The following CILK1 variants were observed in gnomAD, a reference collection of about 807,000 sequenced individuals.
CILK1 encodes the protein serine/threonine-protein kinase ICK.
CILK1 carries 47 observed loss-of-function variants against 79.2 expected under a neutral mutation model. That is an observed-to-expected ratio of 0.59 (90% confidence interval 0.47 to 0.76). The LOEUF is 0.76. Among genes scored for constraint, CILK1 ranks in the 30% least tolerant of loss-of-function variants. The pLI, the probability that CILK1 is intolerant of heterozygous loss-of-function variation, is 0.00. For synonymous variants in CILK1, 266 were observed against 275.9 expected, an observed-to-expected ratio of 0.96 and a Z score of 0.36; for missense variants, 660 against 769.5, an observed-to-expected ratio of 0.86 and a Z score of 1.68.
chr6:53,018,533 G>T (rs1356971628), intron 6 of CILK1, 32 bp from the exon 7 acceptor site: 6 of 1,599,282 alleles, frequency 3.8e-6, no homozygotes, highest in Non-Finnish European at 1.7e-6. Flanking sequence ...GCTAGCTATT[G>T]CTTCCACCAC....
chr6:53,037,390 G>C (rs59295802), intron 3 of CILK1, among the ~76,000 whole-genome samples: 107,582 of 151,918 alleles, frequency 0.71, 38,588 homozygotes, highest in East Asian at 0.87. Context: ...TGGCACAAAA[G>C]AAGGACCTCA....
At chr6:53,018,295 G>C in intron 7 of CILK1, 35 bp downstream of exon 7, 1 of 1,604,402 alleles carries the variant, frequency 6.2e-7, no homozygotes, top group Non-Finnish European at 8.5e-7. Flanking sequence ...GAAGCTGTTG[G>C]CTTTGGCCCA....
chr6:53,019,133 A>G, intron 6 of CILK1, 94 bp downstream of exon 6: 1 of 1,223,310 alleles, frequency 8.2e-7, no homozygotes, highest in East Asian at 2.4e-5. Context: ...CTCTTAGTGA[A>G]AAGTTAACAT....
intron 5 of CILK1, among the ~76,000 whole-genome samples, chr6:53,026,456 C>A (rs1235667025): frequency 6.6e-6 from 1 of 152,128 alleles, no homozygotes; most frequent in Admixed American, 6.6e-5. Context: ...GCCTATAAAG[C>A]TTTTTGAGCA....
chr6:53,018,314 T>C lies in CILK1; in HGVS notation c.663+16A>G. On this transcript the variant is annotated intron_variant, in intron 7 of 13. Transcript: ENST00000676107. ...CTGTTGGCTTTGGCCCACTGGCCTTTGTTTTGTATCATTACCTTTTTTGGT... is the reference window on the plus strand; with the variant it reads ...CTGTTGGCTTTGGCCCACTGGCCTTCGTTTTGTATCATTACCTTTTTTGGT... The C allele has an allele frequency of 1.2e-6, 2 of 1,613,754 alleles. No individual in the cohort carries two copies. The highest frequency in any genetic ancestry group is 4.5e-5 in the East Asian group (2 of 44,878).
chr6:53,007,299 G>GT, intron 12 of CILK1, among the ~76,000 whole-genome samples: 2 of 152,344 alleles, frequency 1.3e-5, no homozygotes, highest in South Asian at 4.1e-4. Flanking sequence ...GAATGCCTGC[G>GT]TGAGGAGTTG....
intron 1 of CILK1, among the ~76,000 whole-genome samples, chr6:53,055,331 G>C (rs1342432978): frequency 1.3e-5 from 2 of 152,188 alleles, no homozygotes; most frequent in Non-Finnish European, 2.9e-5. Context: ...AAAGGTACTA[G>C]AAATAGTATA....
chr6:53,031,098 T>A lies in CILK1; in HGVS notation c.325A>T (p.Ile109Leu). 1.9e-6 allele frequency: 3 copies of A among 1,610,960 alleles called. No individual in the cohort carries two copies. Among genetic ancestry groups the A allele is most frequent in the South Asian group, 1.1e-5 (1 of 91,010 alleles). Residue 109 changes from isoleucine (I) to leucine (L), a missense_variant, in exon 5 of 14, where the codon ATA (isoleucine) becomes TTA (leucine). Ile to Leu is a conservative substitution (Grantham distance 5, BLOSUM62 2). Transcript: ENST00000676107. ...TGAATAAATGCGAGTCCTTGTAATA[T>A]CTGATACATGATATTCCTTATAGCA... The part of the protein sequence containing the change: ...ESAIRNIMYQ[I>L]LQGLAFIHKH...
chr6:53,045,830 C>CAA lies in CILK1; in HGVS notation c.-172-4424_-172-4423dup, dbSNP rs200914621. On this transcript the variant is annotated intron_variant, in intron 1 of 13. Coordinates refer to ENST00000676107, the MANE Select transcript of CILK1 (RefSeq NM_014920.5). ...AAAAATTCCTGGAAGCTTGATTTGT[C>CAA]AAAAAAAAAAAAAAATCAGCCAACT... is the stretch of plus-strand genomic sequence containing the variant. Among the ~76,000 whole-genome samples the CAA allele has an allele frequency of 5.1e-3, 609 of 119,954 alleles. 3 individuals are homozygous for CAA. The highest frequency in any genetic ancestry group is 0.016 in the African/African-American group (508 of 31,420). 78.7% of individuals were successfully genotyped at this position (119,954 alleles called of 152,430 possible). A position where few individuals can be genotyped will look rare whatever the true frequency, so the allele number is the denominator to read the frequency against.
rs747516955 is a variant in CILK1, at chr6:53,009,517, G to A, written c.1543C>T (p.Pro515Ser). 6.2e-7 allele frequency: 1 copy of A among 1,611,054 alleles called. No homozygotes were observed. Among genetic ancestry groups the A allele is most frequent in the East Asian group, 2.2e-5 (1 of 44,860 alleles). ...CCAGAACTAGACCATGGATTAGGTG[G>A]AATAAATTCCTTGCCTGGATTCGAG... ...ILSNPGKEFIPPNPWSSSGLS... is the reference protein window; with the variant it reads ...ILSNPGKEFISPNPWSSSGLS... The change falls in exon 12 of 14, where the codon CCA (proline) becomes TCA (serine). Residue 515 changes from proline to serine, a missense_variant. By Grantham distance (74) the Pro-to-Ser change is moderately conservative (BLOSUM62 -1). Transcript: ENST00000676107.
At position 53,005,152 on chromosome 6, in the gene CILK1, T is replaced by C; in HGVS notation, c.1896A>G (p.Arg632=). The C allele has an allele frequency of 6.2e-7, 1 of 1,614,150 alleles. No homozygotes were observed. Among genetic ancestry groups the C allele is most frequent in the Non-Finnish European group, 8.5e-7 (1 of 1,180,038 alleles). Residue 632 remains arginine, a synonymous_variant, in exon 14 of 14, where the codon CGA becomes CGG. Transcript: ENST00000676107. Reference sequence around the variant, plus strand: ...GATTCATCACCAAGGCAGACAGTCATCGCCGAGATGCGTACTTGGAAGCCC... The same window carrying C: ...GATTCATCACCAAGGCAGACAGTCACCGCCGAGATGCGTACTTGGAAGCCC... ...TDWASKYASR[R]
chr6:53,019,520 G>A (rs905643556), intron 5 of CILK1, among the ~76,000 whole-genome samples, 161 bp from the exon 6 acceptor site: 2 of 152,164 alleles, frequency 1.3e-5, no homozygotes, highest in Admixed American at 1.3e-4. Context: ...AGAGTCCTTC[G>A]AACTTCTCAT....
In CILK1 at chr6:53,013,757, C is replaced by G. The variant is rs1764726950; in HGVS notation, c.1057G>C (p.Ala353Pro). ...GGGTGATCTGTCCTGGAGACCTCTG[C>G]TTTGTAGGGGTACGTGAGATGCAGA... ...PPLHLTYPYK[A>P]EVSRTDHPSH... The change falls in exon 9 of 14, where the codon GCA becomes CCA. Residue 353 changes from alanine to proline, a missense_variant. Ala to Pro is a conservative substitution (Grantham distance 27). Transcript: ENST00000676107. The G allele has an allele frequency of 6.2e-7, 1 of 1,614,074 alleles. No homozygotes were observed. Among genetic ancestry groups the G allele is most frequent in the Non-Finnish European group, 8.5e-7 (1 of 1,180,026 alleles).
intron 1 of CILK1, among the ~76,000 whole-genome samples, chr6:53,046,851 G>A (rs1171003636): frequency 1.3e-5 from 2 of 152,176 alleles, no homozygotes; most frequent in African/African-American, 4.8e-5. Flanking sequence ...ACCAACTCTT[G>A]GGAGGAGGAG....
chr6:53,056,611 G>T (rs139436132), intron 1 of CILK1, among the ~76,000 whole-genome samples: 1 of 152,316 alleles, frequency 6.6e-6, no homozygotes, highest in Non-Finnish European at 1.5e-5. Flanking sequence ...AGGTTACAGG[G>T]CTACATACAA....
chr6:53,016,658 A>T (rs573547698), intron 7 of CILK1, among the ~76,000 whole-genome samples: 1 of 152,376 alleles, frequency 6.6e-6, no homozygotes, highest in Admixed American at 6.5e-5. Context: ...TAAATTTGTG[A>T]AACTCTACCT....
At chr6:53,012,936 T>G (rs316145) in intron 9 of CILK1, among the ~76,000 whole-genome samples, 151,286 of 152,392 alleles carry the variant, frequency 0.99, 75,094 homozygotes, top group East Asian at 1. Flanking sequence ...AACACTCATT[T>G]TTTTCTTTTG....
chr6:53,003,238 T>C lies in CILK1; in HGVS notation c.*1911A>G, dbSNP rs996082992. ...TGTGCTTTTCTCATGCCCCTAGGGA[T>C]CATGGTGCTTGGTCAAGTATATATT... On this transcript the variant is annotated 3_prime_UTR_variant, in exon 14 of 14. Transcript: ENST00000676107. 3 of 152,578 alleles carry C rather than the reference T, an allele frequency of 2.0e-5. No homozygotes were observed. The highest frequency in any genetic ancestry group is 7.2e-5 in the African/African-American group (3 of 41,436). 9.5% of individuals were successfully genotyped at this position (152,578 alleles called of 1,614,324 possible).
intron 3 of CILK1, among the ~76,000 whole-genome samples, chr6:53,036,055 G>A (rs969336356): frequency 6.6e-6 from 1 of 152,142 alleles, no homozygotes; most frequent in Admixed American, 6.5e-5. Context: ...TCAGCTAGAG[G>A]AGCAGTTTCT....
Sources: allele counts gnomAD v4.1 joint callset (sites outside exome capture counted in the v4.1 genomes callset), GRCh38; gene constraint gnomAD v4.1.1; transcripts MANE v1.5; gene names NCBI Gene and HGNC (gene_info 2026-07-23, HGNC 2026-07-21).